The following USH2A variants were observed in gnomAD, a reference collection of about 807,000 sequenced individuals.
USH2A encodes usherin.
In USH2A, 443 loss-of-function variants were observed where a neutral mutation model predicts 538.9. The ratio of observed to expected loss-of-function variants is 0.82; its 90% CI spans 0.76 to 0.89. The LOEUF (loss-of-function observed/expected upper bound fraction) is 0.89. Ranked by LOEUF, USH2A falls within the 40% of genes least tolerant of loss-of-function variation. USH2A has a pLI of 0.00. For synonymous variants in USH2A, 2,413 were observed against 2,273.5 expected, an observed-to-expected ratio of 1.06 and a Z score of -1.75; for missense variants, 6,633 against 6,324.8, an observed-to-expected ratio of 1.05 and a Z score of -1.65.
chr1:215,679,047 A>AG (rs530314377), intron 62 of USH2A, among the ~76,000 whole-genome samples: 6 of 152,152 alleles, frequency 3.9e-5, no homozygotes, highest in African/African-American at 7.2e-5. Flanking sequence ...CTCTTGCCCC[A>AG]GGGGGGAGAA....
chr1:215,982,215 T>C (rs1667768132), intron 35 of USH2A, among the ~76,000 whole-genome samples: 2 of 152,224 alleles, frequency 1.3e-5, no homozygotes, highest in Non-Finnish European at 1.5e-5. Context: ...CAAAATGGGG[T>C]AATATTCCTT....
In USH2A at chr1:216,251,061, C is replaced by G. The variant is rs1479691631; in HGVS notation, c.2009G>C (p.Gly670Ala). ...ATTCTGGCACTGATTGCACTGCCTG[C>G]CAGACACGTGTCTCTTACAATTACA... ...GQCNCKRHVS[G>A]RQCNQCQNGF... The change falls in exon 12 of 72, where the codon GGC becomes GCC. Residue 670 changes from glycine to alanine, a missense_variant. Physicochemically the swap from Gly to Ala is moderately conservative, Grantham distance 60 (BLOSUM62 0). Transcript: ENST00000307340. 6.2e-7 allele frequency: 1 copy of G among 1,613,888 alleles called. No individual in the cohort carries two copies. Among genetic ancestry groups the G allele is most frequent in the Non-Finnish European group, 8.5e-7 (1 of 1,179,992 alleles).
At chr1:216,254,810 G>A (rs2036229698) in intron 11 of USH2A, among the ~76,000 whole-genome samples, 1 of 152,180 alleles carries the variant, frequency 6.6e-6, no homozygotes, top group Admixed American at 6.5e-5. Context: ...GGTTGGACAA[G>A]CCAGTGCACA....
rs138730745 is a variant in USH2A, at chr1:216,271,890, T to C, written c.1971+17390A>G. 3.5e-3 allele frequency among the ~76,000 whole-genome samples: 532 copies of C among 152,258 alleles called. 5 individuals carry two copies. Among genetic ancestry groups the C allele is most frequent in the African/African-American group, 0.011 (446 of 41,562 alleles). On this transcript the variant is annotated intron_variant, in intron 11 of 71. Coordinates refer to ENST00000307340, the MANE Select transcript of USH2A (RefSeq NM_206933.4). ...TCAGCTATGATGCATTACCCTATTA[T>C]ATATTGCAGGATTCCATTTGCTAAT...
intron 61 of USH2A, among the ~76,000 whole-genome samples, chr1:215,697,612 C>T (rs1056122438): frequency 2.0e-5 from 3 of 152,224 alleles, no homozygotes; most frequent in African/African-American, 7.2e-5. Flanking sequence ...ATCTCCGCCT[C>T]CCGGGTTCAA....
At chr1:216,335,481 A>T (rs977146609) in intron 4 of USH2A, among the ~76,000 whole-genome samples, 1 of 151,616 alleles carries the variant, frequency 6.6e-6, no homozygotes, top group Non-Finnish European at 1.5e-5. Context: ...AACAAGAAAA[A>T]CAACAAAAGT....
intron 45 of USH2A, among the ~76,000 whole-genome samples, chr1:215,845,567 T>A (rs1205830683): frequency 2.0e-5 from 3 of 152,176 alleles, no homozygotes. Context: ...AACTCAGTTC[T>A]AAAATAAGTA....
chr1:216,380,444 G>T (rs150722379), intron 3 of USH2A, among the ~76,000 whole-genome samples: 13 of 152,260 alleles, frequency 8.5e-5, no homozygotes, highest in African/African-American at 2.9e-4. Flanking sequence ...TAGGGAATGT[G>T]AAAGGAGGCC....
rs577316003 is a variant in USH2A, at chr1:216,300,949, C to T, written c.1645-8579G>A. 4.0e-4 allele frequency among the ~76,000 whole-genome samples: 60 copies of T among 151,808 alleles called. 1 individual carries two copies. The highest frequency in any genetic ancestry group is 2.8e-3 in the Admixed American group (43 of 15,224). On this transcript the variant is annotated intron_variant, in intron 9 of 71. Coordinates refer to ENST00000307340, the MANE Select transcript of USH2A (RefSeq NM_206933.4). ...TTTTTTGGTAGAGACAGGGTTTCAC[C>T]TTGTTGCCCAGGCTCGTCTCAAACT...
chr1:215,981,737 T>C (rs750846009), intron 35 of USH2A, among the ~76,000 whole-genome samples: 1 of 152,216 alleles, frequency 6.6e-6, no homozygotes, highest in Non-Finnish European at 1.5e-5. Context: ...CAACATCTTT[T>C]ATAATTAATG....
chr1:216,291,185 G>A (rs904071665), intron 10 of USH2A, among the ~76,000 whole-genome samples: 2 of 151,958 alleles, frequency 1.3e-5, no homozygotes, highest in Non-Finnish European at 2.9e-5. Context: ...TGGCTCCAGA[G>A]TCCTCTATGA....
At chr1:215,955,944 G>T (rs908434623) in intron 37 of USH2A, among the ~76,000 whole-genome samples, 2 of 152,144 alleles carry the variant, frequency 1.3e-5, no homozygotes, top group African/African-American at 2.4e-5. Context: ...ATTCCCACAG[G>T]AGAAGTTCAG....
chr1:215,675,398 A>T lies in USH2A; in HGVS notation c.12513T>A (p.Val4171=), dbSNP rs751928451. ...TAACAGGCTCAGACCAGCTCAGCTC[A>T]ACACTGGTGGACTTCACAGAGTGGA... ...PTVHSVKSTS[V]ELSWSEPVNP... is the part of the protein sequence containing the mutation. The change falls in exon 63 of 72, where the codon GTT becomes GTA. Residue 4171 remains valine, a synonymous_variant. Coordinates refer to ENST00000307340, the MANE Select transcript of USH2A (RefSeq NM_206933.4). 3.7e-6 allele frequency: 6 copies of T among 1,614,012 alleles called. No homozygotes were observed. The highest frequency in any genetic ancestry group is 4.2e-6 in the Non-Finnish European group (5 of 1,180,022).
intron 34 of USH2A, among the ~76,000 whole-genome samples, chr1:215,996,493 TTTA>T (rs1301588082): frequency 6.6e-6 from 1 of 151,660 alleles, no homozygotes; most frequent in Non-Finnish European, 1.5e-5. Context: ...TATTGTCTTC[TTTA>T]TTAGGAGCTA....
intron 9 of USH2A, among the ~76,000 whole-genome samples, chr1:216,306,705 CAGATGTGGGTGTTCCCT>C (rs887598193): frequency 9.9e-5 from 15 of 152,184 alleles, no homozygotes; most frequent in Non-Finnish European, 1.6e-4. Context: ...GGGTGCTCCC[CAGATGTGGGTGTTCCCT>C]AGATGTGGGT....
At chr1:216,238,640 G>C (rs139474856) in intron 13 of USH2A, among the ~76,000 whole-genome samples, 175 of 152,236 alleles carry the variant, frequency 1.1e-3, no homozygotes, top group African/African-American at 3.9e-3. Context: ...TTAACAAATT[G>C]CCTATAAATT....
rs1419630958 is a variant in USH2A, at chr1:215,675,154, A to C, written c.12757T>G (p.Trp4253Gly). The C allele has an allele frequency of 1.1e-5, 17 of 1,613,990 alleles. No individual in the cohort carries two copies. The highest frequency in any genetic ancestry group is 1.3e-5 in the Non-Finnish European group (15 of 1,180,016). The part of the protein sequence containing the change: ...WNSAGHTCSS[W>G]NVVRTLQAPP... Reference sequence around the variant, plus strand: ...GCTTGCAATGTCCTCACCACATTCCAAGAGCTACAGGTATGCCCAGCTGAA... The same window carrying C: ...GCTTGCAATGTCCTCACCACATTCCCAGAGCTACAGGTATGCCCAGCTGAA... Residue 4253 changes from tryptophan to glycine, a missense_variant, in exon 63 of 72, where the codon TGG becomes GGG. Transcript: ENST00000307340.
chr1:216,022,971 A>G (rs966856102), intron 32 of USH2A, among the ~76,000 whole-genome samples: 1 of 152,140 alleles, frequency 6.6e-6, no homozygotes, highest in African/African-American at 2.4e-5. Flanking sequence ...CACTTAGCCA[A>G]TTGGTGTCCA....
At chr1:216,246,342 A>G (rs1210769202) in intron 13 of USH2A, among the ~76,000 whole-genome samples, 2 of 152,208 alleles carry the variant, frequency 1.3e-5, no homozygotes, top group East Asian at 1.9e-4. Flanking sequence ...TTGAGTCTCA[A>G]TTATGAAATA....
Sources: gnomAD v4.1 joint callset for allele counts (sites outside exome capture counted in the v4.1 genomes callset) on GRCh38, gnomAD v4.1.1 for gene constraint, MANE v1.5 for transcripts, NCBI Gene and HGNC (gene_info 2026-07-23, HGNC 2026-07-21) for gene names.